Variants in CASP10 observed in about 807,000 individuals in gnomAD.
The protein encoded by CASP10 is caspase 10.
Under a neutral mutation model 48.5 loss-of-function variants are expected in CASP10, and 41 were observed. That is an observed-to-expected ratio of 0.85 (90% CI 0.66 to 1.10). CASP10 has a LOEUF of 1.10. Among genes scored for constraint, CASP10 ranks in the 50% least tolerant of loss-of-function variants. CASP10 has a pLI of 0.00. For synonymous variants in CASP10, 232 were observed against 238.4 expected, an observed-to-expected ratio of 0.97 and a Z score of 0.25; for missense variants, 614 against 614.5, an observed-to-expected ratio of 1.00 and a Z score of 0.01.
intron 7 of CASP10, among the ~76,000 whole-genome samples, chr2:201,206,859 G>A (rs1362850121): frequency 6.6e-6 from 1 of 152,104 alleles, no homozygotes; most frequent in South Asian, 2.1e-4. Flanking sequence ...GTTGTCTCAT[G>A]AAATCCTTGT....
At chr2:201,214,631 T>C (rs1945510685) in intron 9 of CASP10, 1 of 152,166 alleles carries the variant, frequency 6.6e-6, no homozygotes, top group Non-Finnish European at 1.5e-5. Flanking sequence ...TTGGTAGTAG[T>C]ATAATTGTAG....
chr2:201,217,555 T>TA (rs760843802), intron 9 of CASP10, 33 bp from the exon 10 acceptor site: 7,356 of 1,444,118 alleles, frequency 5.1e-3, no homozygotes, highest in Non-Finnish European at 5.8e-3. Context: ...TGAGACTCCG[T>TA]AAAAAAAAAT....
chr2:201,219,520 T>C lies in CASP10; in HGVS notation c.*1779T>C. 1 of 985,346 alleles carries C rather than the reference T, an allele frequency of 1.0e-6. No individual in the cohort carries two copies. Among genetic ancestry groups the C allele is most frequent in the Non-Finnish European group, 1.2e-6 (1 of 829,950 alleles). 61.0% of individuals were successfully genotyped at this position (985,346 alleles called of 1,614,324 possible). A position where few individuals can be genotyped will look rare whatever the true frequency, so the allele number is the denominator to read the frequency against. On this transcript the variant is annotated 3_prime_UTR_variant, in exon 10 of 10. Transcript: ENST00000286186. ...TGGACAGTCCCCACCTTGTTACTGC[T>C]ACTACACTTTGCTCCTCTGGCCCAA...
rs1041313108 is a variant in CASP10 at position 201,221,088 on chromosome 2, C to T, written c.*3347C>T. The T allele has an allele frequency of 1.0e-6, 1 of 985,442 alleles. No individual in the cohort carries two copies. Among genetic ancestry groups the T allele is most frequent in the Non-Finnish European group, 1.2e-6 (1 of 829,938 alleles). The allele number at this position is 985,442 out of a possible 1,614,324, so 61.0% of individuals were successfully genotyped here. On this transcript the variant is annotated 3_prime_UTR_variant, in exon 10 of 10. Coordinates refer to ENST00000286186, the MANE Select transcript of CASP10 (RefSeq NM_032977.4). ...TATAAATGCCTTTAGGTGGTAGGGT[C>T]TTCCGGTTGTAACTGCAACAGAAAT...
intron 5 of CASP10, among the ~76,000 whole-genome samples, chr2:201,196,570 T>C (rs186866578): frequency 6.6e-6 from 1 of 152,346 alleles, no homozygotes; most frequent in Non-Finnish European, 1.5e-5. Context: ...CTGGGATTTG[T>C]GGTTCTTCCA....
intron 5 of CASP10, among the ~76,000 whole-genome samples, chr2:201,197,275 C>T (rs1325086838): frequency 6.6e-6 from 1 of 152,070 alleles, no homozygotes; most frequent in Non-Finnish European, 1.5e-5. Context: ...CCACGCCCAG[C>T]CACATACCAT....
chr2:201,217,110 G>T (rs1383424729), intron 9 of CASP10, among the ~76,000 whole-genome samples: 1 of 152,206 alleles, frequency 6.6e-6, no homozygotes, highest in Non-Finnish European at 1.5e-5. Context: ...TTCAGGAATT[G>T]TGTCATGTCT....
intron 8 of CASP10, 26 bp downstream of exon 8, chr2:201,208,209 A>G: frequency 1.3e-6 from 2 of 1,591,416 alleles, no homozygotes; most frequent in Non-Finnish European, 1.7e-6. Context: ...ACAGTTTATC[A>G]AATGCAAATT....
chr2:201,199,167 G>A (rs1035406712), intron 5 of CASP10, among the ~76,000 whole-genome samples: 6 of 152,076 alleles, frequency 3.9e-5, no homozygotes, highest in South Asian at 2.1e-4. Flanking sequence ...ATATTTTCGT[G>A]TGTATTTCCT....
At chr2:201,201,615 G>GT (rs1333210763) in intron 5 of CASP10, among the ~76,000 whole-genome samples, 1 of 152,010 alleles carries the variant, frequency 6.6e-6, no homozygotes, top group Non-Finnish European at 1.5e-5. Context: ...GGCACATGCA[G>GT]TAGGGGGATA....
intron 5 of CASP10, among the ~76,000 whole-genome samples, chr2:201,197,476 G>A (rs1461177314): frequency 6.6e-6 from 1 of 152,146 alleles, no homozygotes; most frequent in Non-Finnish European, 1.5e-5. Context: ...TTAGCTGGGC[G>A]TGGTGGTGCA....
exon 10 of CASP10, chr2:201,229,027 G>A: frequency 6.2e-7 from 1 of 1,614,134 alleles, no homozygotes; most frequent in Non-Finnish European, 8.5e-7. Flanking sequence ...CCTGCCCACG[G>A]CCATCTCTGC....
In CASP10 at chr2:201,220,300, G is replaced by A. The variant is rs1016611249; in HGVS notation, c.*2559G>A. 1.4e-5 allele frequency: 3 copies of A among 213,302 alleles called. No individual in the cohort carries two copies. The highest frequency in any genetic ancestry group is 1.6e-5 in the Non-Finnish European group (2 of 128,680). The allele number at this position is 213,302 out of a possible 1,614,324, so 13.2% of individuals were successfully genotyped here. A position where few individuals can be genotyped will look rare whatever the true frequency, so the allele number is the denominator to read the frequency against. On this transcript the variant is annotated 3_prime_UTR_variant, in exon 10 of 10. Coordinates refer to ENST00000286186, the MANE Select transcript of CASP10 (RefSeq NM_032977.4). ...CAGAAAGAGAAGAGAGTAAAATACA[G>A]ATAAGACAGCTCTGGCATAGAGGGA...
chr2:201,197,416 A>C (rs1351600887), intron 5 of CASP10, among the ~76,000 whole-genome samples: 2 of 152,064 alleles, frequency 1.3e-5, no homozygotes, highest in Non-Finnish European at 2.9e-5. Flanking sequence ...GGAGTTCGAG[A>C]CCAGCCTGGC....
At chr2:201,227,910 A>C (rs982616067) in intron 9 of CASP10, among the ~76,000 whole-genome samples, 2 of 152,038 alleles carry the variant, frequency 1.3e-5, no homozygotes, top group Admixed American at 6.5e-5. Context: ...TCCTCTACAG[A>C]ATCAGTCATC....
chr2:201,210,820 G>C (rs889159665), intron 9 of CASP10, among the ~76,000 whole-genome samples: 4 of 151,952 alleles, frequency 2.6e-5, no homozygotes, highest in African/African-American at 9.7e-5. Flanking sequence ...AGTGAAGGAA[G>C]GACAGATAAT....
At chr2:201,227,658 G>A (rs1249432665) in intron 9 of CASP10, among the ~76,000 whole-genome samples, 1 of 152,098 alleles carries the variant, frequency 6.6e-6, no homozygotes, top group Non-Finnish European at 1.5e-5. Context: ...CTGGGTTCAT[G>A]CCATTCTCCT....
intron 9 of CASP10, among the ~76,000 whole-genome samples, chr2:201,210,988 G>C (rs1301072496): frequency 6.6e-6 from 1 of 151,898 alleles, no homozygotes; most frequent in Non-Finnish European, 1.5e-5. Context: ...CATATTTCAG[G>C]GTTATAATTT....
intron 9 of CASP10, among the ~76,000 whole-genome samples, chr2:201,211,989 G>A (rs995343709): frequency 4.0e-5 from 6 of 151,790 alleles, no homozygotes; most frequent in African/African-American, 1.2e-4. Flanking sequence ...ATCTTGCTCT[G>A]TCAGGCTGGA....
Sources: gnomAD v4.1 joint callset for allele counts (sites outside exome capture counted in the v4.1 genomes callset) on GRCh38, gnomAD v4.1.1 for gene constraint, MANE v1.5 for transcripts, NCBI Gene and HGNC (gene_info 2026-07-23, HGNC 2026-07-21) for gene names.